Variants in NEK10 observed in about 807,000 individuals in gnomAD.
NEK10 encodes serine/threonine-protein kinase Nek10.
A neutral mutation model predicts 159.8 loss-of-function variants in NEK10; 122 were observed. The observed-to-expected ratio is 0.76, with a 90% CI of 0.66 to 0.89. The LOEUF is 0.89. Ranked by LOEUF, NEK10 falls within the 40% of genes least tolerant of loss-of-function variation. The pLI is 0.00. For missense variants in NEK10, 1,342 were observed against 1,323.1 expected (o/e 1.01, Z -0.22); for synonymous variants, 466 against 457.1 (o/e 1.02, Z -0.25).
chr3:27,311,182 A>G, intron 8 of NEK10, 166 bp from the exon 9 acceptor site: 1 of 485,042 alleles, frequency 2.1e-6, no homozygotes, highest in Non-Finnish European at 3.6e-6. Context: ...TTTTACCCCA[A>G]GAATTACTCC....
rs754263045 is a variant in NEK10, at chr3:27,192,238, G to C, written c.2296C>G (p.Leu766Val). The stretch of plus-strand genomic sequence containing the variant: ...GGACGAGCTTCCGCATCAGGAGTGA[G>C]GCACCTAAGATAACATGAGATAATT... ...EKVTDTISRC[L>V]TPDAEARPDI... is the part of the protein sequence containing the mutation. The change falls in exon 26 of 36, where the codon CTC becomes GTC. Residue 766 changes from leucine to valine, a missense_variant. Transcript: ENST00000691995. The C allele has an allele frequency of 6.2e-7, 1 of 1,612,434 alleles. No homozygotes were observed. Among genetic ancestry groups the C allele is most frequent in the Admixed American group, 1.7e-5 (1 of 60,010 alleles).
intron 26 of NEK10, among the ~76,000 whole-genome samples, chr3:27,177,603 A>AAAAAAAATT (rs1947653062): frequency 6.7e-6 from 1 of 148,554 alleles, no homozygotes; most frequent in African/African-American, 2.6e-5. Context: ...TTTTGCTTCA[A>AAAAAAAATT]AAAAAAATTG....
chr3:27,353,659 C>T (rs2048129469), intron 1 of NEK10, among the ~76,000 whole-genome samples: 1 of 152,128 alleles, frequency 6.6e-6, no homozygotes, highest in African/African-American at 2.4e-5. Context: ...ACAACAATAA[C>T]AGGTACAATA....
intron 1 of NEK10, among the ~76,000 whole-genome samples, chr3:27,357,924 C>G (rs1030643727): frequency 5.3e-5 from 8 of 152,108 alleles, no homozygotes; most frequent in Admixed American, 6.5e-5. Context: ...TCAAGGTGGA[C>G]TCTCCATTTA....
Position 27,364,804 on chromosome 3 carries a change from C to T in NEK10, c.-38+4421G>A, listed in dbSNP as rs192945026. Among the ~76,000 whole-genome samples, 17 of 152,294 alleles carry T rather than the reference C, an allele frequency of 1.1e-4. No individual in the cohort carries two copies. The East Asian group carries it at 2.1e-3, about 19-fold the overall frequency. Reference sequence around the variant, plus strand: ...AAGGAACTTGGCCAAGATCTCATACCTAGTAATAACAACAGTCATAATAAG... The same window carrying T: ...AAGGAACTTGGCCAAGATCTCATACTTAGTAATAACAACAGTCATAATAAG... On this transcript the variant is annotated intron_variant, in intron 1 of 35. Transcript: ENST00000691995.
intron 1 of NEK10, among the ~76,000 whole-genome samples, chr3:27,360,249 G>A (rs966274766): frequency 3.9e-5 from 6 of 152,142 alleles, no homozygotes; most frequent in South Asian, 2.1e-4. Flanking sequence ...GTATCAGGAC[G>A]TCTAACACCC....
intron 15 of NEK10, among the ~76,000 whole-genome samples, chr3:27,294,402 C>A (rs1002094972): frequency 6.6e-6 from 1 of 152,018 alleles, no homozygotes; most frequent in Non-Finnish European, 1.5e-5. Flanking sequence ...GAGGTGAGGC[C>A]GGTAACAAAA....
chr3:27,315,668 C>T (rs2045099723), intron 6 of NEK10, among the ~76,000 whole-genome samples: 1 of 152,172 alleles, frequency 6.6e-6, no homozygotes, highest in African/African-American at 2.4e-5. Context: ...GAGTTAGGCT[C>T]TGGAGACACA....
intron 1 of NEK10, among the ~76,000 whole-genome samples, chr3:27,360,621 C>A (rs1451602006): frequency 1.3e-5 from 2 of 152,114 alleles, no homozygotes; most frequent in African/African-American, 2.4e-5. Flanking sequence ...TGATATTGGC[C>A]CTTAGCCAAG....
At chr3:27,143,941 A>G (rs1944033949) in intron 30 of NEK10, among the ~76,000 whole-genome samples, 3 of 152,248 alleles carry the variant, frequency 2.0e-5, no homozygotes, top group South Asian at 4.1e-4. Context: ...ATGAATCGGA[A>G]CTAGATTTTA....
chr3:27,289,184 A>G (rs1327778921), intron 19 of NEK10, among the ~76,000 whole-genome samples: 3 of 152,248 alleles, frequency 2.0e-5, no homozygotes, highest in African/African-American at 7.2e-5. Context: ...AAATGATCGC[A>G]TGGAGCAGAG....
chr3:27,342,318 A>G (rs1575832230), intron 5 of NEK10, among the ~76,000 whole-genome samples: 2 of 152,198 alleles, frequency 1.3e-5, no homozygotes, highest in East Asian at 1.9e-4. Context: ...AGAAGGGAAG[A>G]AAAAAAAGGA....
At position 27,249,587 on chromosome 3, in the gene NEK10, CT is replaced by C. The variant is rs566206795; in HGVS notation, c.2090+6708del. Among the ~76,000 whole-genome samples the C allele has an allele frequency of 1.2e-4, 19 of 152,038 alleles. No homozygotes were observed. In the East Asian group the frequency reaches 3.7e-3, roughly 29 times the overall value. On this transcript the variant is annotated intron_variant, in intron 23 of 35. Coordinates refer to ENST00000691995, the MANE Select transcript of NEK10 (RefSeq NM_001394966.1). ...ATTGGCATGGAATATCTTTTTCCTTCTCTTTATTTTCAGTCTATGTGTCTTT... is the reference window on the plus strand; with the variant it reads ...ATTGGCATGGAATATCTTTTTCCTTCCTTTATTTTCAGTCTATGTGTCTTT...
Position 27,174,703 on chromosome 3 carries a change from G to T in NEK10, c.2636C>A (p.Ala879Asp). The T allele has an allele frequency of 1.2e-6, 2 of 1,613,334 alleles. No homozygotes were observed. The highest frequency in any genetic ancestry group is 1.7e-6 in the Non-Finnish European group (2 of 1,179,750). ...QASYGKDEDRACDEILSDDNF... is the reference protein window; with the variant it reads ...QASYGKDEDRDCDEILSDDNF... ...ATCATCTGACAGGATTTCGTCACAG[G>T]CCCTGTCTTCGTCTTTACCATAGGA... Residue 879 changes from alanine (A) to aspartate (D), a missense_variant, in exon 27 of 36, where the codon GCC (alanine) becomes GAC (aspartate). By Grantham distance (126) the Ala-to-Asp change is moderately radical. Coordinates refer to ENST00000691995, the MANE Select transcript of NEK10 (RefSeq NM_001394966.1).
intron 5 of NEK10, among the ~76,000 whole-genome samples, chr3:27,341,195 G>GGAAGGGT (rs1251473025): frequency 2.0e-5 from 3 of 152,132 alleles, no homozygotes; most frequent in African/African-American, 7.2e-5. Context: ...CCAGAGTCCA[G>GGAAGGGT]GAAGGGTGGG....
chr3:27,278,962 G>T, intron 22 of NEK10: 2 of 978,934 alleles, frequency 2.0e-6, no homozygotes, highest in Non-Finnish European at 2.4e-6. Context: ...GCAAATAAAT[G>T]GAGAACAAGA....
chr3:27,245,418 G>T (rs1375130455), intron 23 of NEK10, among the ~76,000 whole-genome samples: 2 of 152,134 alleles, frequency 1.3e-5, no homozygotes, highest in African/African-American at 4.8e-5. Flanking sequence ...GACATCCAAG[G>T]CTAGCCCCAA....
chr3:27,361,578 T>C (rs2149879013), intron 1 of NEK10, among the ~76,000 whole-genome samples: 1 of 152,328 alleles, frequency 6.6e-6, no homozygotes, highest in South Asian at 2.1e-4. Context: ...GAAATATTTA[T>C]TGAGTCCCTA....
At chr3:27,260,718 G>A (rs2040332593) in intron 22 of NEK10, among the ~76,000 whole-genome samples, 1 of 152,176 alleles carries the variant, frequency 6.6e-6, no homozygotes, top group African/African-American at 2.4e-5. Context: ...TTGGTATCAG[G>A]ATGATGCTGG....
Sources: gnomAD v4.1 joint callset for allele counts (sites outside exome capture counted in the v4.1 genomes callset) on GRCh38, gnomAD v4.1.1 for gene constraint, MANE v1.5 for transcripts, NCBI Gene and HGNC (gene_info 2026-07-23, HGNC 2026-07-21) for gene names.